SPATA16: variants seen among roughly 807,000 people sequenced by gnomAD.
SPATA16 encodes the protein spermatogenesis-associated protein 16.
In SPATA16, 36 loss-of-function variants were observed where a neutral mutation model predicts 63.3. The ratio of observed to expected loss-of-function variants is 0.57; its 90% CI spans 0.44 to 0.75. SPATA16 has a LOEUF of 0.75. Among genes scored for constraint, SPATA16 ranks in the 30% least tolerant of loss-of-function variants. SPATA16 has a pLI of 0.00. For synonymous variants in SPATA16, 203 were observed against 216.7 expected, an observed-to-expected ratio of 0.94 and a Z score of 0.56; for missense variants, 646 against 679.3, an observed-to-expected ratio of 0.95 and a Z score of 0.54.
Position 172,913,660 on chromosome 3 carries a change from C to T in SPATA16, c.1587+1G>A. 6.2e-7 allele frequency: 1 copy of T among 1,613,222 alleles called. No individual in the cohort carries two copies. ...CTTTTTCCTTCAGCTCAAAGTTTTA[C>T]CTTTTGGATCATATTCCACACACGT... On this transcript the variant is annotated splice_donor_variant, in intron 10 of 10. Coordinates refer to ENST00000351008, the MANE Select transcript of SPATA16 (RefSeq NM_031955.6). LOFTEE classifies it high-confidence loss of function.
chr3:173,096,877 T>C (rs374747815), intron 2 of SPATA16, among the ~76,000 whole-genome samples: 1 of 152,116 alleles, frequency 6.6e-6, no homozygotes, highest in Non-Finnish European at 1.5e-5. Context: ...TATACAATCA[T>C]AAAAAGGAAG....
At chr3:173,105,449 C>T (rs77112734) in intron 2 of SPATA16, among the ~76,000 whole-genome samples, 2 of 152,270 alleles carry the variant, frequency 1.3e-5, no homozygotes, top group African/African-American at 2.4e-5. Flanking sequence ...CTCAAAACCT[C>T]GAGTCCATGA....
rs145575642 is a variant in SPATA16, at chr3:172,978,420, A to G, written c.849-1368T>C. Among the ~76,000 whole-genome samples, 415 of 152,304 alleles carry G rather than the reference A, an allele frequency of 2.7e-3. 2 individuals are homozygous for G. Among genetic ancestry groups the G allele is most frequent in the African/African-American group, 9.3e-3 (387 of 41,572 alleles). ...TGCATTTTGATAGAAGCACATGGAA[A>G]CATTTTCTTTTCATAACAACCTAAA... is the stretch of plus-strand genomic sequence containing the variant. On this transcript the variant is annotated intron_variant, in intron 4 of 10. Transcript: ENST00000351008.
chr3:172,983,509 A>G (rs1259684098), intron 4 of SPATA16, among the ~76,000 whole-genome samples: 4 of 152,148 alleles, frequency 2.6e-5, no homozygotes, highest in Non-Finnish European at 4.4e-5. Context: ...AGGTATGTGT[A>G]TGAGATCTAA....
At chr3:172,991,324 C>G (rs1386939918) in intron 4 of SPATA16, among the ~76,000 whole-genome samples, 2 of 152,140 alleles carry the variant, frequency 1.3e-5, no homozygotes, top group Non-Finnish European at 2.9e-5. Context: ...GGATTGTAAG[C>G]TCTTCAAGGG....
intron 10 of SPATA16, among the ~76,000 whole-genome samples, chr3:172,904,458 A>G (rs1732192882): frequency 6.6e-6 from 1 of 152,194 alleles, no homozygotes; most frequent in African/African-American, 2.4e-5. Context: ...TGCTCCCTAG[A>G]TGAGGGCCAT....
At chr3:173,075,010 A>AG (rs1736761578) in intron 2 of SPATA16, among the ~76,000 whole-genome samples, 1 of 146,902 alleles carries the variant, frequency 6.8e-6, no homozygotes, top group Non-Finnish European at 1.5e-5. Flanking sequence ...AAAAAAAAAA[A>AG]AAGGAAAGAA....
At chr3:172,924,828 G>C (rs188004614) in intron 7 of SPATA16, among the ~76,000 whole-genome samples, 39 of 152,248 alleles carry the variant, frequency 2.6e-4, no homozygotes, top group African/African-American at 9.4e-4. Flanking sequence ...ATAAGTTTGA[G>C]ATTTCAACTC....
chr3:172,992,769 G>A (rs112608378), intron 4 of SPATA16, among the ~76,000 whole-genome samples: 31 of 152,172 alleles, frequency 2.0e-4, no homozygotes, highest in South Asian at 8.3e-4. Flanking sequence ...ATCCATTTTC[G>A]CTCTTCCTGA....
At chr3:173,130,336 G>A (rs537959666) in intron 1 of SPATA16, among the ~76,000 whole-genome samples, 1 of 132,912 alleles carries the variant, frequency 7.5e-6, no homozygotes, top group South Asian at 2.4e-4. Flanking sequence ...CTCCAGCCTG[G>A]CGACAGAGTG....
chr3:173,076,473 A>T (rs1560115546), intron 2 of SPATA16, among the ~76,000 whole-genome samples: 2 of 152,064 alleles, frequency 1.3e-5, no homozygotes, highest in Admixed American at 6.5e-5. Context: ...CTTTGAGGCT[A>T]TGCTATAGTG....
At chr3:172,953,858 A>T (rs1057305771) in intron 6 of SPATA16, among the ~76,000 whole-genome samples, 24 of 152,226 alleles carry the variant, frequency 1.6e-4, no homozygotes, top group African/African-American at 4.8e-4. Context: ...CTAAAGATAG[A>T]TTAATTTTAG....
chr3:172,966,426 TG>T (rs1325249643), intron 5 of SPATA16, among the ~76,000 whole-genome samples: 1 of 152,208 alleles, frequency 6.6e-6, no homozygotes, highest in East Asian at 1.9e-4. Flanking sequence ...TGGAAGTTAT[TG>T]TTCCTCATAG....
intron 1 of SPATA16, among the ~76,000 whole-genome samples, chr3:173,122,118 G>A: frequency 6.6e-6 from 1 of 152,140 alleles, no homozygotes. Context: ...TTTCCTCATA[G>A]AAATATGCCT....
intron 5 of SPATA16, among the ~76,000 whole-genome samples, chr3:172,971,215 A>G (rs989787361): frequency 6.6e-6 from 1 of 152,188 alleles, no homozygotes; most frequent in South Asian, 2.1e-4. Flanking sequence ...CAAAAATTCT[A>G]TTGATCCCAA....
rs1011361396 is a variant in SPATA16, at chr3:173,010,074, G to A, written c.848+9412C>T. Among the ~76,000 whole-genome samples the A allele has an allele frequency of 1.1e-4, 17 of 152,152 alleles. 1 individual carries two copies. The highest frequency in any genetic ancestry group is 9.8e-4 in the Admixed American group (15 of 15,280). On this transcript the variant is annotated intron_variant, in intron 4 of 10. Coordinates refer to ENST00000351008, the MANE Select transcript of SPATA16 (RefSeq NM_031955.6). ...CTTTCATTTTTCGACTGCCACGCAG[G>A]AAAAGGAGGGGTTAAAAAGGGAGTA...
intron 1 of SPATA16, among the ~76,000 whole-genome samples, chr3:173,138,790 G>T (rs1738621682): frequency 6.6e-6 from 1 of 152,152 alleles, no homozygotes; most frequent in Non-Finnish European, 1.5e-5. Flanking sequence ...CACCTATCCT[G>T]TATCAGGTCA....
At chr3:172,973,906 G>A (rs1734098268) in intron 5 of SPATA16, among the ~76,000 whole-genome samples, 1 of 152,160 alleles carries the variant, frequency 6.6e-6, no homozygotes, top group Non-Finnish European at 1.5e-5. Context: ...GAGGCATTGT[G>A]TGCAAGTACA....
intron 8 of SPATA16, 73 bp downstream of exon 8, chr3:172,924,135 T>C: frequency 8.0e-7 from 1 of 1,252,890 alleles, no homozygotes; most frequent in East Asian, 2.4e-5. Context: ...CTATTTGCCA[T>C]GTAAGCCTTA....
Sources: gnomAD v4.1 joint callset for allele counts (sites outside exome capture counted in the v4.1 genomes callset) on GRCh38, gnomAD v4.1.1 for gene constraint, MANE v1.5 for transcripts, NCBI Gene and HGNC (gene_info 2026-07-23, HGNC 2026-07-21) for gene names.